HGF: variants seen among roughly 807,000 people sequenced by gnomAD.
HGF encodes fibroblast-derived tumor cytotoxic factor.
Under a neutral mutation model 111.6 loss-of-function variants are expected in HGF, and 39 were observed. The ratio of observed to expected loss-of-function variants is 0.35; its 90% confidence interval spans 0.27 to 0.46. HGF has a LOEUF of 0.46. Ranked by LOEUF, HGF falls within the 20% of genes least tolerant of loss-of-function variation. HGF has a pLI of 1.00. For missense variants in HGF, 735 were observed against 910.5 expected (o/e 0.81, Z 2.48); for synonymous variants, 285 against 294.8 (o/e 0.97, Z 0.34).
chr7:81,711,657 G>A (rs950168994), intron 11 of HGF, 138 bp from the exon 12 acceptor site: 2 of 498,374 alleles, frequency 4.0e-6, no homozygotes, highest in Non-Finnish European at 7.3e-6. Context: ...GTTTTGTTTT[G>A]TTTTGAGACA....
chr7:81,706,787 G>C (rs1789438632), intron 14 of HGF, among the ~76,000 whole-genome samples: 1 of 151,826 alleles, frequency 6.6e-6, no homozygotes, highest in African/African-American at 2.4e-5. Flanking sequence ...TGGTAACAGG[G>C]GTTGAAGTTT....
At chr7:81,752,037 C>T (rs1365745823) in intron 5 of HGF, 83 bp downstream of exon 5, 4 of 1,577,116 alleles carry the variant, frequency 2.5e-6, no homozygotes, top group Admixed American at 1.8e-5. Context: ...ATGATTGATT[C>T]GTTGCTGTTA....
intron 14 of HGF, 21 bp from the exon 15 acceptor site, chr7:81,706,448 TTAAATG>T (rs1326733153): frequency 6.3e-7 from 1 of 1,593,306 alleles, no homozygotes; most frequent in South Asian, 1.1e-5. Flanking sequence ...GGAAAAAAAT[TTAAATG>T]TAAAACATAA....
intron 1 of HGF, among the ~76,000 whole-genome samples, chr7:81,764,298 G>A (rs184009807): frequency 7.2e-5 from 11 of 152,164 alleles, no homozygotes; most frequent in Non-Finnish European, 1.0e-4. Flanking sequence ...GAGAAAACAC[G>A]AGGTCCTCTA....
chr7:81,762,076 G>A (rs2116233865), intron 2 of HGF, among the ~76,000 whole-genome samples: 1 of 152,192 alleles, frequency 6.6e-6, no homozygotes, highest in Non-Finnish European at 1.5e-5. Context: ...AAGGACCCCT[G>A]TAGTAAGGAA....
chr7:81,745,224 A>T, intron 5 of HGF, 104 bp from the exon 6 acceptor site: 1 of 1,232,152 alleles, frequency 8.1e-7, no homozygotes, highest in Non-Finnish European at 1.2e-6. Flanking sequence ...CAGATTTTTA[A>T]AAAATCCTAC....
At chr7:81,702,789 A>G (rs5745767) in intron 17 of HGF, 32 bp from the exon 18 acceptor site, 1 of 1,577,852 alleles carries the variant, frequency 6.3e-7, no homozygotes, top group African/African-American at 1.3e-5. Context: ...ACAAAGTATT[A>G]TTAGGAATTA....
At position 81,705,494 on chromosome 7, in the gene HGF, T is replaced by C. The variant is rs754226152; in HGVS notation, c.1906A>G (p.Ile636Val). The change falls in exon 17 of 18, where the codon ATA becomes GTA. Residue 636 changes from isoleucine (I) to valine (V), a missense_variant. By Grantham distance (29) the Ile-to-Val change is conservative. This residue lies in a region of HGF where 130 missense variants were observed against 129.9 expected (regional missense o/e 1.00). Coordinates refer to ENST00000222390, the MANE Select transcript of HGF (RefSeq NM_000601.6). ...TGGCTGCATTTCTCATTTCCCATTATATAGAGATGTGCCACTCGTAATAGG... is the reference window on the plus strand; with the variant it reads ...TGGCTGCATTTCTCATTTCCCATTACATAGAGATGTGCCACTCGTAATAGG... Reference protein sequence around the residue: ...DGLLRVAHLYIMGNEKCSQHH... With the variant: ...DGLLRVAHLYVMGNEKCSQHH... 6.2e-7 allele frequency: 1 copy of C among 1,612,676 alleles called. No homozygotes were observed.
chr7:81,750,043 G>A (rs1474572267), intron 5 of HGF, among the ~76,000 whole-genome samples: 1 of 151,866 alleles, frequency 6.6e-6, no homozygotes, highest in African/African-American at 2.4e-5. Flanking sequence ...GATAGAAATG[G>A]CCCATCTATT....
chr7:81,702,697 T>A lies in HGF; in HGVS notation c.2071A>T (p.Ile691Phe). 1 of 1,611,764 alleles carries A rather than the reference T, an allele frequency of 6.2e-7. No individual in the cohort carries two copies. Among genetic ancestry groups the A allele is most frequent in the Non-Finnish European group, 8.5e-7 (1 of 1,178,438 alleles). Residue 691 changes from isoleucine to phenylalanine, a missense_variant, in exon 18 of 18, where the codon ATT (isoleucine) becomes TTT (phenylalanine). Physicochemically the swap from Ile to Phe is conservative, Grantham distance 21. Around this residue, in one of 3 missense-constraint regions of HGF, gnomAD observed 52 missense variants for 95.0 expected, o/e 0.55. Coordinates refer to ENST00000222390, the MANE Select transcript of HGF (RefSeq NM_000601.6). The stretch of plus-strand genomic sequence containing the variant: ...ATGGCACATCCACGACCAGGAACAA[T>A]GACACCAAGAACCATTCTCATTTTA... ...QHKMRMVLGV[I>F]VPGRGCAIPN...
intron 2 of HGF, 74 bp downstream of exon 2, chr7:81,762,633 C>A (rs1282965851): frequency 1.8e-6 from 2 of 1,120,094 alleles, no homozygotes; most frequent in East Asian, 4.7e-5. Flanking sequence ...GACTACAACA[C>A]AAAAGACACA....
At chr7:81,755,534 C>T (rs1788723782) in intron 4 of HGF, 1 of 152,844 alleles carries the variant, frequency 6.5e-6, no homozygotes, top group African/African-American at 2.4e-5. Context: ...ACAATTACTC[C>T]TCCAGCAGAG....
At chr7:81,753,610 A>G (rs1405597866) in intron 4 of HGF, among the ~76,000 whole-genome samples, 1 of 152,016 alleles carries the variant, frequency 6.6e-6, no homozygotes, top group Admixed American at 6.6e-5. Flanking sequence ...TCATTTTGAC[A>G]TGAGTGTATT....
In HGF at chr7:81,722,829, A is replaced by AG. The variant is rs1192171145; in HGVS notation, c.1169-1983_1169-1982insC. Among the ~76,000 whole-genome samples the AG allele has an allele frequency of 7.4e-5, 11 of 148,322 alleles. No homozygotes were observed. The South Asian group carries it at 2.1e-3, about 28-fold the overall frequency. On this transcript the variant is annotated intron_variant, in intron 9 of 17. Coordinates refer to ENST00000222390, the MANE Select transcript of HGF (RefSeq NM_000601.6). ...ATTCTGTCTCAAAAAAAAAAAAAAA[A>AG]AAGAAATTTAAAAAGGTATATATAT...
At chr7:81,721,218 G>T (rs946845184) in intron 9 of HGF, among the ~76,000 whole-genome samples, 1 of 152,026 alleles carries the variant, frequency 6.6e-6, no homozygotes, top group South Asian at 2.1e-4. Context: ...CTGCACTCCA[G>T]CCTGGGCGAC....
chr7:81,723,268 AAG>A (rs1789920710), intron 9 of HGF, among the ~76,000 whole-genome samples: 1 of 152,182 alleles, frequency 6.6e-6, no homozygotes, highest in Non-Finnish European at 1.5e-5. Flanking sequence ...GAAGCAAGAG[AAG>A]AGGACACTTC....
chr7:81,723,682 A>G (rs1416473306), intron 9 of HGF, among the ~76,000 whole-genome samples: 1 of 150,962 alleles, frequency 6.6e-6, no homozygotes, highest in Admixed American at 6.6e-5. Flanking sequence ...GAATATTTAT[A>G]TATATATTAA....
chr7:81,710,651 T>C (rs1385599162), intron 12 of HGF, among the ~76,000 whole-genome samples: 1 of 152,182 alleles, frequency 6.6e-6, no homozygotes, highest in Non-Finnish European at 1.5e-5. Flanking sequence ...AAACCAAGCT[T>C]TACTTGGATA....
Position 81,700,966 on chromosome 7 carries a change from T to G in HGF, c.*1615A>C, listed in dbSNP as rs1047024001. 1 of 151,582 alleles carries G rather than the reference T, an allele frequency of 6.6e-6. No individual in the cohort carries two copies. The highest frequency in any genetic ancestry group is 2.4e-5 in the African/African-American group (1 of 41,386). The allele number at this position is 151,582 out of a possible 1,614,324, so 9.4% of individuals were successfully genotyped here. On this transcript the variant is annotated 3_prime_UTR_variant, in exon 18 of 18. Transcript: ENST00000222390. ...CTTGATAAAAATCACTCAAGAAAAC[T>G]AAGTCAGAGAAATGGGACTACTGGA...
Sources: allele counts gnomAD v4.1 joint callset (sites outside exome capture counted in the v4.1 genomes callset), GRCh38; gene constraint gnomAD v4.1.1; regional missense constraint gnomAD v4.1.1; transcripts MANE v1.5; gene names NCBI Gene and HGNC (gene_info 2026-07-23, HGNC 2026-07-21).